The following GALNT17 variants were observed in gnomAD, a reference collection of about 807,000 sequenced individuals.
GALNT17 encodes the protein polypeptide N-acetylgalactosaminyltransferase 17.
In GALNT17, 29 loss-of-function variants were observed where a neutral mutation model predicts 63.7. The observed-to-expected ratio is 0.46, with a 90% confidence interval of 0.34 to 0.62. The LOEUF (loss-of-function observed/expected upper bound fraction) is 0.62, where lower values mean the gene tolerates loss of function less well. Among genes scored for constraint, GALNT17 ranks in the 20% least tolerant of loss-of-function variants. GALNT17 has a pLI of 0.01. For missense variants in GALNT17, 603 were observed against 799.6 expected, an observed-to-expected ratio of 0.75 and a Z score of 2.97; for synonymous variants, 305 against 318.3, an observed-to-expected ratio of 0.96 and a Z score of 0.45.
chr7:71,420,424 G>A (rs73363751), intron 4 of GALNT17, among the ~76,000 whole-genome samples: 6,902 of 152,244 alleles, frequency 0.045, 559 homozygotes, highest in African/African-American at 0.16. Context: ...TGAAATGTGT[G>A]TTAAAACCAG....
intron 5 of GALNT17, among the ~76,000 whole-genome samples, chr7:71,487,270 T>G (rs1787927790): frequency 6.6e-6 from 1 of 152,202 alleles, no homozygotes; most frequent in Non-Finnish European, 1.5e-5. Flanking sequence ...TCTCCTCCTT[T>G]GTTATTTCCC....
chr7:71,315,634 C>T (rs1791486141), intron 1 of GALNT17, among the ~76,000 whole-genome samples: 1 of 152,032 alleles, frequency 6.6e-6, no homozygotes, highest in Admixed American at 6.6e-5. Flanking sequence ...GAGAGTTTAA[C>T]ATATATGGGA....
chr7:71,434,299 C>T (rs1489642739), intron 5 of GALNT17, among the ~76,000 whole-genome samples: 3 of 152,122 alleles, frequency 2.0e-5, no homozygotes, highest in African/African-American at 7.2e-5. Flanking sequence ...TCTAGAGAAC[C>T]CTCACTAATA....
At chr7:71,685,073 A>G (rs634909) in intron 9 of GALNT17, among the ~76,000 whole-genome samples, 149,229 of 152,186 alleles carry the variant, frequency 0.98, 73,215 homozygotes, top group East Asian at 1. Context: ...GGGTACTCTG[A>G]TCTGCATCTG....
intron 2 of GALNT17, among the ~76,000 whole-genome samples, chr7:71,366,946 G>A (rs1316432754): frequency 6.6e-6 from 1 of 152,130 alleles, no homozygotes; most frequent in Non-Finnish European, 1.5e-5. Context: ...TATTGAATAT[G>A]TGGGTTCCTT....
intron 5 of GALNT17, among the ~76,000 whole-genome samples, chr7:71,532,077 A>G (rs933349585): frequency 2.6e-5 from 4 of 152,154 alleles, no homozygotes; most frequent in South Asian, 2.1e-4. Context: ...TGAGTTCCCA[A>G]GTACTGGGAG....
At chr7:71,204,573 T>TTTC (rs1789235631) in intron 1 of GALNT17, among the ~76,000 whole-genome samples, 1 of 150,658 alleles carries the variant, frequency 6.6e-6, no homozygotes, top group Admixed American at 6.6e-5. Context: ...TCTTTTTCTT[T>TTTC]TTTTTTTTTT....
chr7:71,405,753 A>C (rs997796902), intron 3 of GALNT17, among the ~76,000 whole-genome samples: 1 of 152,046 alleles, frequency 6.6e-6, no homozygotes, highest in African/African-American at 2.4e-5. Flanking sequence ...TTGTAAGGAC[A>C]CTCATCCCAT....
chr7:71,384,322 A>G (rs539813723), intron 2 of GALNT17, among the ~76,000 whole-genome samples: 1 of 152,240 alleles, frequency 6.6e-6, no homozygotes, highest in African/African-American at 2.4e-5. Flanking sequence ...GACCTTGGGA[A>G]GGGTGTCTGG....
Position 71,201,239 on chromosome 7 carries a change from T to TATATATATATATATA in GALNT17, c.238+68199_238+68200insATATATATATATATA, listed in dbSNP as rs1554338078. 9.5e-3 allele frequency among the ~76,000 whole-genome samples: 968 copies of TATATATATATATATA among 101,504 alleles called. 43 individuals carry two copies. The highest frequency in any genetic ancestry group is 0.035 in the African/African-American group (911 of 26,106). The allele number at this position is 101,504 out of a possible 152,430, so 66.6% of individuals were successfully genotyped here. A position where few individuals can be genotyped will look rare whatever the true frequency, so the allele number is the denominator to read the frequency against. On this transcript the variant is annotated intron_variant, in intron 1 of 10. Transcript: ENST00000333538. ...TTTGTATGGGGGTGTGTGTGTTTAT[T>TATATATATATATATA]TTTATATATATATATATAATTTGTG... is the stretch of plus-strand genomic sequence containing the variant.
intron 1 of GALNT17, among the ~76,000 whole-genome samples, chr7:71,248,186 C>CAG (rs370303210): frequency 7.9e-5 from 12 of 151,472 alleles, no homozygotes; most frequent in Non-Finnish European, 1.3e-4. Flanking sequence ...GCAGAAAAGA[C>CAG]AGAGAGAGAG....
At chr7:71,443,481 A>G (rs1787104741) in intron 5 of GALNT17, among the ~76,000 whole-genome samples, 1 of 152,118 alleles carries the variant, frequency 6.6e-6, no homozygotes, top group Non-Finnish European at 1.5e-5. Flanking sequence ...GTAATAAGTG[A>G]GTTCTTGCTC....
At chr7:71,563,129 T>C (rs1789282738) in intron 5 of GALNT17, among the ~76,000 whole-genome samples, 1 of 152,240 alleles carries the variant, frequency 6.6e-6, no homozygotes, top group Non-Finnish European at 1.5e-5. Flanking sequence ...TCTGTTCTTC[T>C]CTTCTGTAAT....
rs1018357733 is a variant in GALNT17 at position 71,555,879 on chromosome 7, G to A, written c.963-15406G>A. ...CAAATGCTTTCTGTCTCTGATGCAC[G>A]GCTCGTGCGCTTGAAATCCGGGCTT... On this transcript the variant is annotated intron_variant, in intron 5 of 10. Coordinates refer to ENST00000333538, the MANE Select transcript of GALNT17 (RefSeq NM_022479.3). Among the ~76,000 whole-genome samples the A allele has an allele frequency of 3.3e-5, 5 of 152,322 alleles. No homozygotes were observed. The South Asian group carries it at 1.0e-3, about 32-fold the overall frequency.
chr7:71,394,391 A>G (rs2116364059), intron 3 of GALNT17, among the ~76,000 whole-genome samples: 1 of 152,302 alleles, frequency 6.6e-6, no homozygotes, highest in Admixed American at 6.5e-5. Flanking sequence ...ACATTTCAAC[A>G]TGAGATTTGG....
At chr7:71,700,572 A>G (rs1308762219) in intron 9 of GALNT17, among the ~76,000 whole-genome samples, 2 of 151,986 alleles carry the variant, frequency 1.3e-5, no homozygotes, top group Non-Finnish European at 2.9e-5. Flanking sequence ...CCCCACCTCT[A>G]TACTCCATCA....
At chr7:71,181,548 G>C (rs1788735576) in intron 1 of GALNT17, among the ~76,000 whole-genome samples, 1 of 152,072 alleles carries the variant, frequency 6.6e-6, no homozygotes, top group Non-Finnish European at 1.5e-5. Context: ...CCATTAAGTT[G>C]ACACTACTTG....
At chr7:71,381,808 C>T (rs534870434) in intron 2 of GALNT17, among the ~76,000 whole-genome samples, 59 of 152,216 alleles carry the variant, frequency 3.9e-4, no homozygotes, top group Admixed American at 1.3e-3. Flanking sequence ...AAACCTGCGG[C>T]GCAAAGAGTG....
intron 5 of GALNT17, among the ~76,000 whole-genome samples, chr7:71,490,729 A>C (rs1451259826): frequency 6.6e-6 from 1 of 151,308 alleles, no homozygotes; most frequent in African/African-American, 2.4e-5. Context: ...GCAAGCCCCC[A>C]TCTCTACAAA....
Sources: allele counts gnomAD v4.1 joint callset (sites outside exome capture counted in the v4.1 genomes callset), GRCh38; gene constraint gnomAD v4.1.1; transcripts MANE v1.5; gene names NCBI Gene and HGNC (gene_info 2026-07-23, HGNC 2026-07-21).